NF1: variants seen among roughly 807,000 people sequenced by gnomAD.
NF1 encodes neurofibromin 1.
In NF1, 122 loss-of-function variants were observed where a neutral mutation model predicts 325.7. That is an observed-to-expected ratio of 0.37 (90% confidence interval 0.32 to 0.44). NF1 has a LOEUF of 0.44. Ranked by LOEUF, NF1 falls within the 20% of genes least tolerant of loss-of-function variation. NF1 has a pLI of 1.00. For synonymous variants in NF1, 1,091 were observed against 1,186.0 expected, an observed-to-expected ratio of 0.92 and a Z score of 1.65; for missense variants, 2,140 against 3,415.4, an observed-to-expected ratio of 0.63 and a Z score of 9.31.
intron 8 of NF1, among the ~76,000 whole-genome samples, chr17:31,197,051 C>CTT (rs111486276): frequency 6.9e-6 from 1 of 144,164 alleles, no homozygotes; most frequent in Non-Finnish European, 1.5e-5. Flanking sequence ...TGGGTTTTTC[C>CTT]TTTTTTTTTT....
chr17:31,227,248 C>T lies in NF1; in HGVS notation c.2282C>T (p.Ala761Val), dbSNP rs746850653. 1.9e-6 allele frequency: 3 copies of T among 1,613,556 alleles called. No homozygotes were observed. The African/African-American group carries it at 4.0e-5, about 22-fold the overall frequency. ...GRAALQKRVM[A>V]LLRRIEHPTA... ...GCAGCACTTCAGAAAAGAGTGATGG[C>T]ACTGCTGAGGCGCATTGAGCATCCC... The change falls in exon 19 of 58, where the codon GCA becomes GTA. Residue 761 changes from alanine (A) to valine (V), a missense_variant. Ala to Val is a moderately conservative substitution (Grantham distance 64). Around this residue, in one of 10 missense-constraint regions of NF1, gnomAD observed 380 missense variants for 639.3 expected, o/e 0.59. Coordinates refer to ENST00000358273, the MANE Select transcript of NF1 (RefSeq NM_001042492.3).
chr17:31,187,260 G>A (rs1233727705), intron 8 of NF1, among the ~76,000 whole-genome samples: 3 of 152,094 alleles, frequency 2.0e-5, no homozygotes, highest in African/African-American at 4.8e-5. Flanking sequence ...GTGCAGTGGC[G>A]CGATCTCGGC....
chr17:31,111,975 G>T (rs992542729), intron 1 of NF1, among the ~76,000 whole-genome samples: 1 of 152,030 alleles, frequency 6.6e-6, no homozygotes, highest in Non-Finnish European at 1.5e-5. Context: ...TCAATAAACT[G>T]CACATATTTA....
Position 31,360,380 on chromosome 17 carries a change from G to A in NF1, c.8161-107G>A, listed in dbSNP as rs545260566. ...CTTTTTTAATGATAAGTAATACAAA[G>A]GAAGAAAAATAGTAAATTAAGTCCA... On this transcript the variant is annotated intron_variant, in intron 56 of 57. Transcript: ENST00000358273. 1.2e-5 allele frequency: 11 copies of A among 941,430 alleles called. No individual in the cohort carries two copies. The South Asian group carries it at 1.5e-4, about 13-fold the overall frequency. 58.3% of individuals were successfully genotyped at this position (941,430 alleles called of 1,614,324 possible). A position where few individuals can be genotyped will look rare whatever the true frequency, so the allele number is the denominator to read the frequency against.
chr17:31,269,377 C>A (rs2067850771), intron 36 of NF1, among the ~76,000 whole-genome samples: 1 of 152,078 alleles, frequency 6.6e-6, no homozygotes, highest in Admixed American at 6.5e-5. Flanking sequence ...GACATTGTTG[C>A]AACATTGTTT....
At chr17:31,171,938 A>G (rs898817342) in intron 5 of NF1, among the ~76,000 whole-genome samples, 2 of 152,204 alleles carry the variant, frequency 1.3e-5, no homozygotes, top group Non-Finnish European at 2.9e-5. Context: ...TATTTGCAGA[A>G]AAAAACTATG....
intron 4 of NF1, 115 bp downstream of exon 4, chr17:31,163,491 C>A: frequency 8.4e-7 from 1 of 1,184,814 alleles, no homozygotes; most frequent in South Asian, 1.3e-5. Flanking sequence ...GTTTTTGAGA[C>A]AAGTTCTTTT....
rs1567851125 is a variant in NF1 at position 31,232,836 on chromosome 17, A to G, written c.3451A>G (p.Asn1151Asp). ...LRHCTVLAMS[N>D]LLNANVDSGL... Reference sequence around the variant, plus strand: ...GCACTGTACGGTCCTTGCAATGTCAAACTTACTCAATGCCAACGTAGACAG... The same window carrying G: ...GCACTGTACGGTCCTTGCAATGTCAGACTTACTCAATGCCAACGTAGACAG... Residue 1151 changes from asparagine (N) to aspartate (D), a missense_variant, in exon 26 of 58, where the codon AAC becomes GAC. This residue lies in a region of NF1 where 380 missense variants were observed against 639.3 expected (regional missense o/e 0.59). Coordinates refer to ENST00000358273, the MANE Select transcript of NF1 (RefSeq NM_001042492.3). 4 of 1,614,154 alleles carry G rather than the reference A, an allele frequency of 2.5e-6. No individual in the cohort carries two copies. Among genetic ancestry groups the G allele is most frequent in the Non-Finnish European group, 3.4e-6 (4 of 1,180,004 alleles).
intron 13 of NF1, among the ~76,000 whole-genome samples, chr17:31,218,719 A>G (rs1042018275): frequency 6.6e-6 from 1 of 151,948 alleles, no homozygotes; most frequent in Non-Finnish European, 1.5e-5. Context: ...CCACAGGCGC[A>G]TGCCACCACG....
chr17:31,313,306 G>T (rs2068929799), intron 36 of NF1, among the ~76,000 whole-genome samples: 1 of 152,080 alleles, frequency 6.6e-6, no homozygotes, highest in Non-Finnish European at 1.5e-5. Context: ...ATATTTTGGA[G>T]GTTATAAATT....
At chr17:31,280,616 G>C (rs1268648427) in intron 36 of NF1, among the ~76,000 whole-genome samples, 1 of 151,758 alleles carries the variant, frequency 6.6e-6, no homozygotes, top group Non-Finnish European at 1.5e-5. Flanking sequence ...TTGTAAGTGG[G>C]CCATACTTTG....
chr17:31,334,069 G>T (rs2069575123), intron 39 of NF1, among the ~76,000 whole-genome samples: 1 of 152,054 alleles, frequency 6.6e-6, no homozygotes, highest in African/African-American at 2.4e-5. Flanking sequence ...GGCAGATCAC[G>T]AGGTCAGGAG....
intron 29 of NF1, 109 bp downstream of exon 29, chr17:31,236,130 A>G (rs2067199814): frequency 1.3e-6 from 1 of 774,452 alleles, no homozygotes; most frequent in Non-Finnish European, 2.2e-6. Context: ...GATCATTAAA[A>G]TTAGTTTTTA....
At chr17:31,319,651 C>T (rs969260623) in intron 36 of NF1, among the ~76,000 whole-genome samples, 2 of 149,912 alleles carry the variant, frequency 1.3e-5, no homozygotes, top group Non-Finnish European at 3.0e-5. Context: ...TTTGTGAACG[C>T]AATTTTACTG....
At chr17:31,128,515 T>A (rs1915077831) in intron 1 of NF1, 1 of 152,180 alleles carries the variant, frequency 6.6e-6, no homozygotes, top group Admixed American at 6.6e-5. Context: ...AAGGTAGGTC[T>A]GGTACTAACG....
At chr17:31,299,411 C>T (rs1477164937) in intron 36 of NF1, 1 of 151,958 alleles carries the variant, frequency 6.6e-6, no homozygotes, top group Non-Finnish European at 1.5e-5. Context: ...AGACTCATTA[C>T]ATTTTCTATT....
intron 54 of NF1, chr17:31,358,231 A>G (rs2070318868): frequency 3.8e-6 from 2 of 532,236 alleles, no homozygotes; most frequent in Admixed American, 3.1e-5. Flanking sequence ...GTTATATGAC[A>G]CTACCAGTTG....
rs533127590 is a variant in NF1, at chr17:31,177,369, C to A, written c.587-4053C>A. 8.5e-5 allele frequency among the ~76,000 whole-genome samples: 13 copies of A among 152,074 alleles called. No homozygotes were observed. The South Asian group carries it at 2.7e-3, about 32-fold the overall frequency. On this transcript the variant is annotated intron_variant, in intron 5 of 57. Coordinates refer to ENST00000358273, the MANE Select transcript of NF1 (RefSeq NM_001042492.3). Reference sequence around the variant, plus strand: ...AAAACTAAGAAAGGAATAGTATCATCATCAACATCAAAGACCAAAGGTAGA... The same window carrying A: ...AAAACTAAGAAAGGAATAGTATCATAATCAACATCAAAGACCAAAGGTAGA...
chr17:31,329,717 G>A (rs1190648287), intron 38 of NF1, among the ~76,000 whole-genome samples: 2 of 152,144 alleles, frequency 1.3e-5, no homozygotes, highest in Non-Finnish European at 2.9e-5. Flanking sequence ...GGGAAAAATG[G>A]GAGGACTTAA....
Sources: allele counts gnomAD v4.1 joint callset (sites outside exome capture counted in the v4.1 genomes callset), GRCh38; gene constraint gnomAD v4.1.1; regional missense constraint gnomAD v4.1.1; transcripts MANE v1.5; gene names NCBI Gene and HGNC (gene_info 2026-07-23, HGNC 2026-07-21).